Variants in XPO1 observed in about 807,000 individuals in gnomAD.
XPO1 encodes the protein exportin 1.
Under a neutral mutation model 133.3 loss-of-function variants are expected in XPO1, and 5 were observed. That is an observed-to-expected ratio of 0.04 (90% CI 0.02 to 0.08). XPO1 has a LOEUF of 0.08. Ranked by LOEUF, XPO1 falls within the 10% of genes least tolerant of loss-of-function variation. The probability of loss-of-function intolerance (pLI) is 1.00; values close to 1 mark genes in which losing one functional copy is unlikely to be tolerated. For synonymous variants in XPO1, 419 were observed against 408.2 expected, an observed-to-expected ratio of 1.03 and a Z score of -0.32; for missense variants, 506 against 1,267.5, an observed-to-expected ratio of 0.40 and a Z score of 9.12.
rs1024728815 is a variant in XPO1, at chr2:61,482,241, G to C, written c.2972+139C>G. The C allele has an allele frequency of 6.9e-6, 5 of 726,710 alleles. No homozygotes were observed. In the African/African-American group the frequency reaches 7.3e-5, roughly 11 times the overall value. The allele number at this position is 726,710 out of a possible 1,614,324, so 45.0% of individuals were successfully genotyped here. On this transcript the variant is annotated intron_variant, in intron 23 of 24. Transcript: ENST00000401558. ...TTTTTTTTTGTAGAGACGGGATCTT[G>C]TTTTGTTGTCTAGGTTGGTCTCCAA...
Position 61,493,896 on chromosome 2 carries a change from T to A in XPO1, c.1243A>T (p.Lys415Ter). Residue 415 changes from lysine to a stop codon, truncating the protein, a stop_gained and splice_region_variant, in exon 12 of 25, where the codon AAG becomes TAG. Coordinates refer to ENST00000401558, the MANE Select transcript of XPO1 (RefSeq NM_003400.4). LOFTEE classifies it high-confidence loss of function. ...RRQLYLPMLF[K>*]VRLLMVSRMA... is the part of the protein sequence containing the mutation. Reference sequence around the variant, plus strand: ...CACTCAACCAACCGCTCTGTTACCTTGAATAACATGGGCAAATATAGCTGT... The same window carrying A: ...CACTCAACCAACCGCTCTGTTACCTAGAATAACATGGGCAAATATAGCTGT... 1 of 1,614,080 alleles carries A rather than the reference T, an allele frequency of 6.2e-7. No individual in the cohort carries two copies. The highest frequency in any genetic ancestry group is 8.5e-7 in the Non-Finnish European group (1 of 1,179,964).
intron 2 of XPO1, among the ~76,000 whole-genome samples, chr2:61,530,900 A>G (rs1474751475): frequency 6.6e-6 from 1 of 152,150 alleles, no homozygotes; most frequent in Non-Finnish European, 1.5e-5. Flanking sequence ...TTATACTGCT[A>G]AATGTACCCT....
In XPO1 at chr2:61,528,843, T is replaced by C. The variant is rs535943049; in HGVS notation, c.127-2322A>G. Reference sequence around the variant, plus strand: ...TTTTTACCAACAGCTTTTAATTCTATTGACAAAAAGCAATGGCTTAATCTT... The same window carrying C: ...TTTTTACCAACAGCTTTTAATTCTACTGACAAAAAGCAATGGCTTAATCTT... On this transcript the variant is annotated intron_variant, in intron 2 of 24. Coordinates refer to ENST00000401558, the MANE Select transcript of XPO1 (RefSeq NM_003400.4). Among the ~76,000 whole-genome samples, 8 of 150,996 alleles carry C rather than the reference T, an allele frequency of 5.3e-5. No individual in the cohort carries two copies. The East Asian group carries it at 7.8e-4, about 15-fold the overall frequency.
Position 61,492,270 on chromosome 2 carries a change from CATTT to C in XPO1, c.1723+51_1723+54del. On this transcript the variant is annotated intron_variant, in intron 15 of 24. Transcript: ENST00000401558. The surrounding 1 kb of genome is among the most constrained non-coding windows in gnomAD (Gnocchi z 5.6). ...GGGTCTCTAACAAGACAAAAACATT[CATTT>C]ATTTTCTTCAATAAAAATAAAAGCA... 6.3e-7 allele frequency: 1 copy of C among 1,582,708 alleles called. No homozygotes were observed. Among genetic ancestry groups the C allele is most frequent in the Non-Finnish European group, 8.5e-7 (1 of 1,170,238 alleles).
intron 11 of XPO1, chr2:61,494,598 A>G (rs992000048): frequency 6.5e-6 from 1 of 152,704 alleles, no homozygotes; most frequent in African/African-American, 2.4e-5. Context: ...ATATATCTAC[A>G]GAGACAGAAA....
intron 2 of XPO1, among the ~76,000 whole-genome samples, chr2:61,530,149 A>C (rs899692601): frequency 4.6e-5 from 7 of 152,224 alleles, no homozygotes; most frequent in Non-Finnish European, 1.0e-4. Context: ...TCACACAGTA[A>C]AAGTTACTTG....
intron 4 of XPO1, among the ~76,000 whole-genome samples, chr2:61,511,405 G>T (rs904091050): frequency 3.8e-4 from 58 of 152,098 alleles, no homozygotes; most frequent in African/African-American, 1.4e-3. Flanking sequence ...GGGATTACAG[G>T]CAAGAGCCAC....
At chr2:61,482,688 C>T in intron 22 of XPO1, 149 bp from the exon 23 acceptor site, 2 of 825,738 alleles carry the variant, frequency 2.4e-6, no homozygotes, top group Non-Finnish European at 3.6e-6. Context: ...TCACTGCAAC[C>T]TCTGCCTCCT....
chr2:61,482,559 T>A lies in XPO1; in HGVS notation c.2813-20A>T, dbSNP rs1696439402. 3 of 1,558,770 alleles carry A rather than the reference T, an allele frequency of 1.9e-6. No individual in the cohort carries two copies. The highest frequency in any genetic ancestry group is 2.6e-6 in the Non-Finnish European group (3 of 1,152,834). On this transcript the variant is annotated intron_variant, in intron 22 of 24. Coordinates refer to ENST00000401558, the MANE Select transcript of XPO1 (RefSeq NM_003400.4). ...TTAAACCTGTTGATAAGAAGAAAAT[T>A]ATTAACTCCAAAATGTAATATAACT...
At chr2:61,507,243 C>CAAAAAAAAAAAAA (rs55737388) in intron 4 of XPO1, among the ~76,000 whole-genome samples, 19 of 65,476 alleles carry the variant, frequency 2.9e-4, no homozygotes, top group African/African-American at 1.0e-3. Context: ...GACTCCATCT[C>CAAAAAAAAAAAAA]AAAAAAAAAA....
At chr2:61,489,138 G>A (rs1200761461) in intron 17 of XPO1, among the ~76,000 whole-genome samples, 1 of 150,670 alleles carries the variant, frequency 6.6e-6, no homozygotes, top group African/African-American at 2.4e-5. Flanking sequence ...TAATGGCCAG[G>A]CGAGGTGGCT....
intron 4 of XPO1, among the ~76,000 whole-genome samples, chr2:61,521,807 G>C (rs578246012): frequency 6.6e-6 from 1 of 152,176 alleles, no homozygotes; most frequent in African/African-American, 2.4e-5. Flanking sequence ...CCAGGCTAGA[G>C]TACAGTGGCA....
chr2:61,488,871 G>A, intron 17 of XPO1, 100 bp from the exon 18 acceptor site: 2 of 1,288,980 alleles, frequency 1.6e-6, no homozygotes, highest in Admixed American at 2.1e-5. Context: ...AGAGGCCGAG[G>A]CGGGCGGATG....
chr2:61,488,918 G>A (rs1011831044), intron 17 of XPO1, 147 bp from the exon 18 acceptor site: 43 of 807,702 alleles, frequency 5.3e-5, no homozygotes, highest in Admixed American at 1.1e-4. Context: ...TGGATAACAC[G>A]GTGAAACCCC....
chr2:61,515,403 A>C (rs968677538), intron 4 of XPO1, among the ~76,000 whole-genome samples: 8 of 152,196 alleles, frequency 5.3e-5, no homozygotes, highest in African/African-American at 1.7e-4. Flanking sequence ...TGGTGAAAAA[A>C]TTGTAAAGGA....
At chr2:61,482,868 C>T (rs2104296296) in intron 22 of XPO1, 89 bp downstream of exon 22, 1 of 1,518,500 alleles carries the variant, frequency 6.6e-7, no homozygotes, top group Admixed American at 2.1e-5. Flanking sequence ...CATAATCTCC[C>T]CGCCTCGACC....
chr2:61,511,990 G>A (rs1250826556), intron 4 of XPO1, among the ~76,000 whole-genome samples: 1 of 151,932 alleles, frequency 6.6e-6, no homozygotes, highest in African/African-American at 2.4e-5. Flanking sequence ...GACTGGTCTC[G>A]AACTCCTGAC....
chr2:61,501,485 G>A (rs1409292993), intron 6 of XPO1, among the ~76,000 whole-genome samples: 2 of 151,834 alleles, frequency 1.3e-5, no homozygotes, highest in Non-Finnish European at 2.9e-5. Context: ...ACTTTGGGAG[G>A]TCGAGGTGGG....
intron 23 of XPO1, among the ~76,000 whole-genome samples, chr2:61,481,869 G>GGGATTTCA (rs1220800427): frequency 6.6e-6 from 1 of 151,788 alleles, no homozygotes; most frequent in African/African-American, 2.4e-5. Flanking sequence ...CCAAGTAGCT[G>GGGATTTCA]GGATTTCAGG....
Sources: allele counts gnomAD v4.1 joint callset (sites outside exome capture counted in the v4.1 genomes callset), GRCh38; gene constraint gnomAD v4.1.1; non-coding constraint Gnocchi (gnomAD v3.1); transcripts MANE v1.5; gene names NCBI Gene and HGNC (gene_info 2026-07-23, HGNC 2026-07-21).